Variants in GNPNAT1 observed in about 807,000 individuals in gnomAD.
GNPNAT1 encodes the protein glucosamine 6-phosphate N-acetyltransferase.
Under a neutral mutation model 19.8 loss-of-function variants are expected in GNPNAT1, and 11 were observed. The ratio of observed to expected loss-of-function variants is 0.56; its 90% CI spans 0.35 to 0.92. The LOEUF is 0.92. Among genes scored for constraint, GNPNAT1 ranks in the 40% least tolerant of loss-of-function variants. The pLI is 0.01. For missense variants in GNPNAT1, 157 were observed against 211.0 expected, an observed-to-expected ratio of 0.74 and a Z score of 1.59; for synonymous variants, 71 against 72.3, an observed-to-expected ratio of 0.98 and a Z score of 0.09.
intron 5 of GNPNAT1, 129 bp downstream of exon 5, chr14:52,780,550 A>G (rs1882869755): frequency 3.2e-6 from 2 of 622,314 alleles, no homozygotes. Flanking sequence ...CATGAAATTC[A>G]GTCTAAACTA....
chr14:52,778,451 A>G lies in GNPNAT1; in HGVS notation c.415T>C (p.Ser139Pro). The change falls in exon 6 of 6, where the codon TCA becomes CCA. Residue 139 changes from serine (S) to proline (P), a missense_variant. Ser to Pro is a moderately conservative substitution (Grantham distance 74). Transcript: ENST00000216410. ...RGKQLGKLLL[S>P]TLTLLSKKLN... is the part of the protein sequence containing the mutation. The stretch of plus-strand genomic sequence containing the variant: ...TTCTTGCTTAGCAAAGTAAGGGTTG[A>G]TAATAACCTGAAATTTAAAAAGGGG... 1 of 1,604,190 alleles carries G rather than the reference A, an allele frequency of 6.2e-7. No individual in the cohort carries two copies. The highest frequency in any genetic ancestry group is 8.5e-7 in the Non-Finnish European group (1 of 1,177,032).
chr14:52,784,411 A>AAT, intron 2 of GNPNAT1, 86 bp downstream of exon 2: 1 of 1,146,574 alleles, frequency 8.7e-7, no homozygotes, highest in South Asian at 2.2e-5. Context: ...CCAAAAGTCA[A>AAT]ATATTTAAAA....
chr14:52,779,985 C>G (rs1211586707), intron 5 of GNPNAT1, among the ~76,000 whole-genome samples: 1 of 151,996 alleles, frequency 6.6e-6, no homozygotes, highest in African/African-American at 2.4e-5. Flanking sequence ...CCAGCCTGAG[C>G]AACATGATGA....
intron 1 of GNPNAT1, among the ~76,000 whole-genome samples, chr14:52,790,213 T>A (rs557686769): frequency 7.2e-5 from 11 of 152,220 alleles, no homozygotes; most frequent in African/African-American, 2.2e-4. Context: ...CAACAAGTAA[T>A]AGACACCGGA....
chr14:52,783,408 G>A lies in GNPNAT1; in HGVS notation c.217+15C>T, dbSNP rs755647706. On this transcript the variant is annotated intron_variant, in intron 3 of 5. Coordinates refer to ENST00000216410, the MANE Select transcript of GNPNAT1 (RefSeq NM_198066.4). ...GTTTCCCTTTATTTCAGGAAAAAGA[G>A]GTTATAGTACTTACTCATAAATTGT... 1 of 1,544,718 alleles carries A rather than the reference G, an allele frequency of 6.5e-7. No individual in the cohort carries two copies. Among genetic ancestry groups the A allele is most frequent in the Non-Finnish European group, 8.9e-7 (1 of 1,121,288 alleles).
At chr14:52,784,372 TA>T (rs1481497962) in intron 2 of GNPNAT1, 124 bp downstream of exon 2, 4 of 651,602 alleles carry the variant, frequency 6.1e-6, no homozygotes, top group Non-Finnish European at 9.4e-6. Context: ...TCCATCACTT[TA>T]AAAACTAAGT....
chr14:52,783,063 C>G (rs1298929874), intron 3 of GNPNAT1, among the ~76,000 whole-genome samples: 1 of 151,938 alleles, frequency 6.6e-6, no homozygotes, highest in Non-Finnish European at 1.5e-5. Context: ...AAATAAACCC[C>G]AAAATAAATT....
In GNPNAT1 at chr14:52,784,532, A is replaced by C. The variant is rs1453437307; in HGVS notation, c.119T>G (p.Val40Gly). 6.2e-7 allele frequency: 1 copy of C among 1,606,684 alleles called. No individual in the cohort carries two copies. Among genetic ancestry groups the C allele is most frequent in the Non-Finnish European group, 8.5e-7 (1 of 1,177,566 alleles). Residue 40 changes from valine (V) to glycine (G), a missense_variant, in exon 2 of 6, where the codon GTT becomes GGT. By Grantham distance (109) the Val-to-Gly change is moderately radical (BLOSUM62 -3). Coordinates refer to ENST00000216410, the MANE Select transcript of GNPNAT1 (RefSeq NM_198066.4). ...GTCAGCAGTACAAAGAGGCCTCAAA[A>C]CCAAGCCTTCTCCAGGATGTGTTGG... ...ISPTHPGEGL[V>G]LRPLCTADLN...
chr14:52,781,723 G>T, intron 4 of GNPNAT1, 61 bp downstream of exon 4: 2 of 1,492,376 alleles, frequency 1.3e-6, no homozygotes, highest in Non-Finnish European at 1.8e-6. Context: ...TTGTCTAATG[G>T]AAACTCAAAG....
chr14:52,782,581 G>A (rs757548124), intron 3 of GNPNAT1, among the ~76,000 whole-genome samples: 27 of 151,942 alleles, frequency 1.8e-4, no homozygotes, highest in Non-Finnish European at 3.7e-4. Context: ...TCTAATTCAT[G>A]TGCATGCAAA....
At chr14:52,778,566 G>T in intron 5 of GNPNAT1, 108 bp from the exon 6 acceptor site, 1 of 961,116 alleles carries the variant, frequency 1.0e-6, no homozygotes, top group Non-Finnish European at 1.5e-6. Context: ...CTTAGAAACA[G>T]GTTTAGATTA....
intron 4 of GNPNAT1, among the ~76,000 whole-genome samples, chr14:52,781,005 T>C (rs1315782060): frequency 6.6e-6 from 1 of 152,168 alleles, no homozygotes; most frequent in Non-Finnish European, 1.5e-5. Flanking sequence ...CAAATCTGAT[T>C]AGCCCAAAAG....
intron 1 of GNPNAT1, among the ~76,000 whole-genome samples, chr14:52,786,511 A>G (rs1457361886): frequency 6.6e-6 from 1 of 152,110 alleles, no homozygotes; most frequent in East Asian, 2.0e-4. Context: ...TCTCAAAAAA[A>G]TTAAATTAAA....
rs1425492580 is a variant in GNPNAT1 at position 52,783,485 on chromosome 14, C to T, written c.155G>A (p.Gly52Asp). Residue 52 changes from glycine to aspartate, a missense_variant and splice_region_variant, in exon 3 of 6, where the codon GGT (glycine) becomes GAT (aspartate). Gly to Asp is a moderately conservative substitution (Grantham distance 94). Transcript: ENST00000216410. ...TAGCTGACCCAATACCTTAAAAAAA[C>T]CTAGTTTTGAAAAACAGATTTCAAA... ...RPLCTADLNR[G>D]FFKVLGQLTE... 6.2e-7 allele frequency: 1 copy of T among 1,604,158 alleles called. No individual in the cohort carries two copies. The highest frequency in any genetic ancestry group is 8.5e-7 in the Non-Finnish European group (1 of 1,172,044).
rs368797425 is a variant in GNPNAT1, at chr14:52,778,374, G to A, written c.492C>T (p.Phe164=). 2.5e-6 allele frequency: 4 copies of A among 1,606,996 alleles called. No homozygotes were observed. The African/African-American group carries it at 5.4e-5, about 22-fold the overall frequency. Residue 164 remains phenylalanine (F), a synonymous_variant, in exon 6 of 6, where the codon TTC becomes TTT. Transcript: ENST00000216410. ...TLECLPQNVG[F]YKKFGYTVSE... ...ATACAGTATATCCAAACTTTTTATA[G>A]AAACCAACATTTTGTGGTAGACATT...
At position 52,784,710 on chromosome 14, in the gene GNPNAT1, A is replaced by G. The variant is rs1392754385; in HGVS notation, c.-14-46T>C. On this transcript the variant is annotated intron_variant, in intron 1 of 5. Coordinates refer to ENST00000216410, the MANE Select transcript of GNPNAT1 (RefSeq NM_198066.4). The stretch of plus-strand genomic sequence containing the variant: ...TTAAGTCACTTTATTTAATAGAAGG[A>G]AAATTATGATTGTTGAGAAAGTTAA... 3 of 773,946 alleles carry G rather than the reference A, an allele frequency of 3.9e-6. 1 individual carries two copies. The highest frequency in any genetic ancestry group is 6.0e-6 in the Non-Finnish European group (3 of 498,660). 47.9% of individuals were successfully genotyped at this position (773,946 alleles called of 1,614,324 possible). A position where few individuals can be genotyped will look rare whatever the true frequency, so the allele number is the denominator to read the frequency against.
chr14:52,778,191 C>G lies in GNPNAT1; in HGVS notation c.*120G>C, dbSNP rs1354365467. ...AAATGTCATTATACTTGTAGTATTA[C>G]AATGTTTTTTCAGTCCAGTATTTAT... is the stretch of plus-strand genomic sequence containing the variant. On this transcript the variant is annotated 3_prime_UTR_variant, in exon 6 of 6. Coordinates refer to ENST00000216410, the MANE Select transcript of GNPNAT1 (RefSeq NM_198066.4). 2 of 656,142 alleles carry G rather than the reference C, an allele frequency of 3.0e-6. No homozygotes were observed. Among genetic ancestry groups the G allele is most frequent in the Non-Finnish European group, 5.0e-6 (2 of 399,294 alleles). The allele number at this position is 656,142 out of a possible 1,614,324, so 40.6% of individuals were successfully genotyped here. A position where few individuals can be genotyped will look rare whatever the true frequency, so the allele number is the denominator to read the frequency against.
chr14:52,781,981 G>T, intron 3 of GNPNAT1, 70 bp from the exon 4 acceptor site: 1 of 1,361,318 alleles, frequency 7.3e-7, no homozygotes, highest in Non-Finnish European at 1.0e-6. Context: ...AAAAATATTA[G>T]GATTAGCTGA....
Position 52,777,204 on chromosome 14 carries a change from C to T in GNPNAT1, c.*1107G>A, listed in dbSNP as rs1457995738. 6.6e-6 allele frequency: 1 copy of T among 152,544 alleles called. No homozygotes were observed. The highest frequency in any genetic ancestry group is 2.4e-5 in the African/African-American group (1 of 41,414). The allele number at this position is 152,544 out of a possible 1,614,324, so 9.4% of individuals were successfully genotyped here. The stretch of plus-strand genomic sequence containing the variant: ...AAAATTTTATGAATTATGACTTAAT[C>T]TAATAGTTCAACAGCAGACTCAAGA... On this transcript the variant is annotated 3_prime_UTR_variant, in exon 6 of 6. Transcript: ENST00000216410.
Sources: gnomAD v4.1 joint callset for allele counts (sites outside exome capture counted in the v4.1 genomes callset) on GRCh38, gnomAD v4.1.1 for gene constraint, MANE v1.5 for transcripts, NCBI Gene and HGNC (gene_info 2026-07-23, HGNC 2026-07-21) for gene names.